The following WWC1 variants were observed in gnomAD, a reference collection of about 807,000 sequenced individuals.
The protein encoded by WWC1 is protein KIBRA.
Under a neutral mutation model 138.4 loss-of-function variants are expected in WWC1, and 55 were observed. That is an observed-to-expected ratio of 0.40 (90% confidence interval 0.32 to 0.50). WWC1 has a LOEUF of 0.50. WWC1 is among the 20% of genes least tolerant of loss of function. The pLI is 0.72. For synonymous variants in WWC1, 524 were observed against 564.9 expected (o/e 0.93, Z 1.03); for missense variants, 1,226 against 1,420.4 (o/e 0.86, Z 2.20).
Position 168,399,364 on chromosome 5 carries a change from G to T in WWC1, c.511-124G>T, listed in dbSNP as rs573531899. The T allele has an allele frequency of 5.4e-6, 5 of 933,244 alleles. No homozygotes were observed. The South Asian group carries it at 6.3e-5, about 12-fold the overall frequency. The allele number at this position is 933,244 out of a possible 1,614,324, so 57.8% of individuals were successfully genotyped here. ...GGCTCTGACCAGTGTGGCGCAAGGG[G>T]TGCTGACCTGAGTCATTATGCAGGC... On this transcript the variant is annotated intron_variant, in intron 4 of 22. Coordinates refer to ENST00000265293, the MANE Select transcript of WWC1 (RefSeq NM_015238.3).
At position 168,326,170 on chromosome 5, in the gene WWC1, G is replaced by A. The variant is rs114502306; in HGVS notation, c.119+33899G>A. On this transcript the variant is annotated intron_variant, in intron 1 of 22. Transcript: ENST00000265293. ...TTGTTTTGTTTTAAGGTAATAAGGC[G>A]TAAATGGGGATAGGAATTAGTGGCT... 8.3e-3 allele frequency among the ~76,000 whole-genome samples: 1,243 copies of A among 150,154 alleles called. 16 individuals carry two copies. Among genetic ancestry groups the A allele is most frequent in the African/African-American group, 0.029 (1,181 of 40,814 alleles).
intron 1 of WWC1, among the ~76,000 whole-genome samples, chr5:168,337,494 C>CAGTGCAT (rs1561626329): frequency 1.3e-5 from 2 of 151,828 alleles, no homozygotes; most frequent in African/African-American, 4.8e-5. Flanking sequence ...CTGCAGTGCA[C>CAGTGCAT]AGGACAGCCC....
At chr5:168,424,940 A>G (rs1781388544) in intron 11 of WWC1, among the ~76,000 whole-genome samples, 2 of 152,240 alleles carry the variant, frequency 1.3e-5, no homozygotes, top group African/African-American at 4.8e-5. Context: ...ATTGACAGCT[A>G]AGATTTATTA....
intron 1 of WWC1, among the ~76,000 whole-genome samples, chr5:168,327,400 A>C (rs1438586816): frequency 6.6e-6 from 1 of 152,230 alleles, no homozygotes; most frequent in East Asian, 1.9e-4. Context: ...AAGAGCAGGA[A>C]TGTTTATGAT....
chr5:168,463,910 G>T (rs1757025853), intron 20 of WWC1, among the ~76,000 whole-genome samples: 1 of 152,110 alleles, frequency 6.6e-6, no homozygotes, highest in African/African-American at 2.4e-5. Context: ...TCAGTCCCAG[G>T]TTTATATCTT....
intron 1 of WWC1, among the ~76,000 whole-genome samples, chr5:168,315,379 G>A (rs879515339): frequency 1.3e-5 from 2 of 151,748 alleles, no homozygotes; most frequent in Non-Finnish European, 2.9e-5. Context: ...CCTTAATCTC[G>A]AAAACCTCTC....
rs763495419 is a variant in WWC1 at position 168,431,413 on chromosome 5, C to T, written c.2249C>T (p.Thr750Ile). The T allele has an allele frequency of 1.2e-5, 20 of 1,613,398 alleles. No homozygotes were observed. Among genetic ancestry groups the T allele is most frequent in the Non-Finnish European group, 1.4e-5 (17 of 1,179,942 alleles). ...AAGACCTTAAGAGTCGATGTCTGTA[C>T]CACCGACAGGAGCCATCTGGAAGAG... ...HQKTLRVDVC[T>I]TDRSHLEECL... Residue 750 changes from threonine (T) to isoleucine (I), a missense_variant, in exon 15 of 23, where the codon ACC (threonine) becomes ATC (isoleucine). Thr to Ile is a moderately conservative substitution (Grantham distance 89). Transcript: ENST00000265293.
chr5:168,418,986 T>C (rs1410752282), intron 9 of WWC1, among the ~76,000 whole-genome samples: 2 of 152,196 alleles, frequency 1.3e-5, no homozygotes, highest in Non-Finnish European at 2.9e-5. Flanking sequence ...CCACTCTGCC[T>C]GCTGCTCCTG....
At chr5:168,320,697 C>T (rs375616367) in intron 1 of WWC1, among the ~76,000 whole-genome samples, 1 of 152,148 alleles carries the variant, frequency 6.6e-6, no homozygotes, top group African/African-American at 2.4e-5. Flanking sequence ...TTCTTCTCTG[C>T]TGAGGCTTTT....
At chr5:168,342,053 G>A (rs1339735271) in intron 1 of WWC1, among the ~76,000 whole-genome samples, 1 of 152,214 alleles carries the variant, frequency 6.6e-6, no homozygotes, top group Non-Finnish European at 1.5e-5. Context: ...TCCATGTCCA[G>A]AGCGCTGGTT....
Position 168,464,928 on chromosome 5 carries a change from G to A in WWC1, c.3116G>A (p.Arg1039His), listed in dbSNP as rs138122885. ...ELPQWLREDE[R>H]FRLLLRMLEK... ...CCACAGTGGTTGCGTGAGGACGAGCGTTTCCGCCTGCTGCTGAGGATGCTG... is the reference window on the plus strand; with the variant it reads ...CCACAGTGGTTGCGTGAGGACGAGCATTTCCGCCTGCTGCTGAGGATGCTG... The change falls in exon 21 of 23, where the codon CGT (arginine) becomes CAT (histidine). Residue 1039 changes from arginine (R) to histidine (H), a missense_variant. Physicochemically the swap from Arg to His is conservative, Grantham distance 29. This residue lies in a region of WWC1 where 206 missense variants were observed against 247.4 expected (regional missense o/e 0.83). Transcript: ENST00000265293. 3.0e-5 allele frequency: 48 copies of A among 1,614,148 alleles called. No homozygotes were observed. Among genetic ancestry groups the A allele is most frequent in the Middle Eastern group, 1.7e-4 (1 of 6,034 alleles).
At chr5:168,311,721 C>G (rs935930199) in intron 1 of WWC1, among the ~76,000 whole-genome samples, 1 of 152,000 alleles carries the variant, frequency 6.6e-6, no homozygotes, top group South Asian at 2.1e-4. Context: ...AAATGATATA[C>G]AAAAAATTAG....
intron 2 of WWC1, among the ~76,000 whole-genome samples, chr5:168,377,040 G>C (rs942036069): frequency 6.6e-6 from 1 of 152,116 alleles, no homozygotes; most frequent in Non-Finnish European, 1.5e-5. Flanking sequence ...ATACTATAAG[G>C]CTGCAGTATC....
intron 15 of WWC1, among the ~76,000 whole-genome samples, chr5:168,438,544 A>G (rs927068365): frequency 6.6e-6 from 1 of 152,190 alleles, no homozygotes; most frequent in Non-Finnish European, 1.5e-5. Context: ...AGTCTCGGGT[A>G]TGCCTTTATT....
intron 1 of WWC1, among the ~76,000 whole-genome samples, chr5:168,336,971 A>G (rs975561221): frequency 6.6e-6 from 1 of 152,198 alleles, no homozygotes; most frequent in African/African-American, 2.4e-5. Context: ...AGCTGATATT[A>G]CGAATCTTGA....
In WWC1 at chr5:168,417,369, G is replaced by A. The variant is rs1780740953; in HGVS notation, c.1184+2779G>A. ...TAAAATTGTTGGTTTCTTGAAACTC[G>A]AATTGGAGGCTCTTAGGGACCCCTA... On this transcript the variant is annotated intron_variant, in intron 9 of 22. Coordinates refer to ENST00000265293, the MANE Select transcript of WWC1 (RefSeq NM_015238.3). Among the ~76,000 whole-genome samples the A allele has an allele frequency of 3.3e-5, 5 of 152,204 alleles. No homozygotes were observed. The South Asian group carries it at 8.3e-4, about 25-fold the overall frequency.
At chr5:168,360,149 A>T (rs1047181960) in intron 1 of WWC1, among the ~76,000 whole-genome samples, 3 of 152,144 alleles carry the variant, frequency 2.0e-5, no homozygotes, top group Non-Finnish European at 4.4e-5. Flanking sequence ...GATGCCTTTG[A>T]TATATGTGCA....
chr5:168,440,643 G>C (rs572268325), intron 15 of WWC1, among the ~76,000 whole-genome samples: 1 of 152,078 alleles, frequency 6.6e-6, no homozygotes, highest in South Asian at 2.1e-4. Flanking sequence ...CCAGCCTCCC[G>C]AGTAGCTGGG....
chr5:168,352,169 C>T (rs1213736946), intron 1 of WWC1, among the ~76,000 whole-genome samples: 2 of 152,172 alleles, frequency 1.3e-5, no homozygotes, highest in African/African-American at 4.8e-5. Context: ...TCCACATGTG[C>T]TTATTGAGGC....
Sources: allele counts gnomAD v4.1 joint callset (sites outside exome capture counted in the v4.1 genomes callset), GRCh38; gene constraint gnomAD v4.1.1; regional missense constraint gnomAD v4.1.1; transcripts MANE v1.5; gene names NCBI Gene and HGNC (gene_info 2026-07-23, HGNC 2026-07-21).